The following PCDH15 variants were observed in gnomAD, a reference collection of about 807,000 sequenced individuals.
PCDH15 encodes the protein protocadherin-15.
A neutral mutation model predicts 178.5 loss-of-function variants in PCDH15; 129 were observed. The ratio of observed to expected loss-of-function variants is 0.72; its 90% CI spans 0.63 to 0.84. PCDH15 has a LOEUF of 0.84. PCDH15 is among the 40% of genes least tolerant of loss of function. The probability of loss-of-function intolerance (pLI) is 0.00; values close to 1 mark genes in which losing one functional copy is unlikely to be tolerated. For synonymous variants in PCDH15, 800 were observed against 732.0 expected (o/e 1.09, Z -1.50); for missense variants, 2,230 against 2,099.9 (o/e 1.06, Z -1.21).
chr10:55,306,640 G>A (rs1358982245), intron 1 of PCDH15, among the ~76,000 whole-genome samples: 1 of 152,104 alleles, frequency 6.6e-6, no homozygotes, highest in Admixed American at 6.6e-5. Context: ...TTTAATAGAG[G>A]CATAGTAGAT....
At chr10:55,454,594 A>C (rs1839508583) in intron 2 of PCDH15, among the ~76,000 whole-genome samples, 1 of 146,890 alleles carries the variant, frequency 6.8e-6, no homozygotes, top group African/African-American at 2.6e-5. Context: ...TGGCTAACAC[A>C]GTGAAACCCC....
intron 2 of PCDH15, among the ~76,000 whole-genome samples, chr10:54,604,607 C>A (rs761722414): frequency 6.7e-6 from 1 of 149,168 alleles, no homozygotes; most frequent in Admixed American, 6.7e-5. Context: ...TTTTCATTAC[C>A]ATTTGCATAA....
intron 14 of PCDH15, among the ~76,000 whole-genome samples, chr10:54,144,277 G>A (rs1292615492): frequency 6.6e-6 from 1 of 152,094 alleles, no homozygotes; most frequent in Non-Finnish European, 1.5e-5. Context: ...AGGGGGGACT[G>A]AAACCGACCA....
chr10:54,014,807 ACTGAATGGG>A (rs1305888192), intron 20 of PCDH15, among the ~76,000 whole-genome samples: 1 of 152,200 alleles, frequency 6.6e-6, no homozygotes, highest in Non-Finnish European at 1.5e-5. Context: ...CCAACGTCAC[ACTGAATGGG>A]CAAAAGCTGG....
chr10:54,487,781 A>G (rs16906197), intron 3 of PCDH15, among the ~76,000 whole-genome samples: 6,566 of 152,096 alleles, frequency 0.043, 200 homozygotes, highest in South Asian at 0.13. Context: ...AGTTGCTATA[A>G]ATATAAGTAA....
chr10:55,544,131 TATACATAC>T (rs201643134), intron 2 of PCDH15, among the ~76,000 whole-genome samples: 1 of 80,078 alleles, frequency 1.2e-5, no homozygotes, highest in African/African-American at 4.2e-5. Context: ...CCTCAAATCT[TATACATAC>T]ATATATATAT....
chr10:53,935,901 A>G (rs1201597901), intron 25 of PCDH15, among the ~76,000 whole-genome samples: 1 of 152,166 alleles, frequency 6.6e-6, no homozygotes, highest in Non-Finnish European at 1.5e-5. Context: ...GAAAATTACT[A>G]TTGGTGGTTG....
chr10:54,718,823 A>T (rs1336038464), intron 1 of PCDH15, among the ~76,000 whole-genome samples: 2 of 151,598 alleles, frequency 1.3e-5, no homozygotes, highest in African/African-American at 4.8e-5. Flanking sequence ...CAGCCTCCCA[A>T]GTAGCTGGCA....
At chr10:54,583,924 T>G (rs2133831503) in intron 2 of PCDH15, among the ~76,000 whole-genome samples, 1 of 152,172 alleles carries the variant, frequency 6.6e-6, no homozygotes, top group Admixed American at 6.6e-5. Flanking sequence ...AAAATTAAGA[T>G]TCGACTAAAA....
At chr10:54,182,495 G>GAT (rs1554828275) in intron 13 of PCDH15, among the ~76,000 whole-genome samples, 9 of 151,340 alleles carry the variant, frequency 5.9e-5, no homozygotes, top group African/African-American at 2.2e-4. Context: ...GAGAGGAAAA[G>GAT]AGAGAAAAAA....
chr10:54,855,482 G>A (rs571175293), intron 3 of PCDH15, among the ~76,000 whole-genome samples: 15 of 152,154 alleles, frequency 9.9e-5, no homozygotes, highest in Non-Finnish European at 2.2e-4. Context: ...GGACTTGTAT[G>A]ATTTCATAGC....
intron 1 of PCDH15, among the ~76,000 whole-genome samples, chr10:54,709,593 C>CAT (rs35055187): frequency 0.15 from 13,960 of 93,874 alleles, 1,143 homozygotes; most frequent in Middle Eastern, 0.21. Context: ...ACAAATAATT[C>CAT]ATATATATAT....
chr10:55,065,282 A>G (rs2132004313), intron 2 of PCDH15, among the ~76,000 whole-genome samples: 1 of 152,104 alleles, frequency 6.6e-6, no homozygotes, highest in Middle Eastern at 3.4e-3. Flanking sequence ...ACAATGTCCT[A>G]ATCTGTTCCT....
chr10:54,704,691 T>C (rs954218641), intron 1 of PCDH15, among the ~76,000 whole-genome samples: 1 of 152,068 alleles, frequency 6.6e-6, no homozygotes, highest in African/African-American at 2.4e-5. Context: ...GCCTGCATGG[T>C]TGCAAAGAAA....
chr10:55,196,999 T>A (rs1015675344), intron 1 of PCDH15, among the ~76,000 whole-genome samples: 3 of 152,030 alleles, frequency 2.0e-5, no homozygotes, highest in East Asian at 3.9e-4. Flanking sequence ...TATTTGAAAC[T>A]GTAATCCTTT....
intron 1 of PCDH15, among the ~76,000 whole-genome samples, chr10:54,717,907 T>C (rs2132453142): frequency 1.4e-5 from 2 of 144,788 alleles, no homozygotes; most frequent in Non-Finnish European, 3.0e-5. Flanking sequence ...GTGGCACATA[T>C]ACACCATGGA....
intron 1 of PCDH15, among the ~76,000 whole-genome samples, chr10:55,239,526 A>G (rs979549632): frequency 1.3e-5 from 2 of 152,202 alleles, no homozygotes; most frequent in Non-Finnish European, 2.9e-5. Flanking sequence ...CCCTCTTGCC[A>G]TATACAAAAA....
At position 54,519,922 on chromosome 10, in the gene PCDH15, A is replaced by G. The variant is rs1204308866; in HGVS notation, c.157+7890T>C. Among the ~76,000 whole-genome samples, 3 of 152,200 alleles carry G rather than the reference A, an allele frequency of 2.0e-5. No homozygotes were observed. The East Asian group carries it at 5.8e-4, about 29-fold the overall frequency. The stretch of plus-strand genomic sequence containing the variant: ...GAAATAAGGCCGCATATCTACAACT[A>G]TCTGATCTTTGACAAACCTGACAAA... On this transcript the variant is annotated intron_variant, in intron 3 of 37. Transcript: ENST00000644397.
rs192190826 is a variant in PCDH15 at position 54,478,740 on chromosome 10, C to T, written c.157+49072G>A. 2.6e-5 allele frequency among the ~76,000 whole-genome samples: 4 copies of T among 152,066 alleles called. No individual in the cohort carries two copies. The East Asian group carries it at 7.8e-4, about 30-fold the overall frequency. On this transcript the variant is annotated intron_variant, in intron 3 of 37. Coordinates refer to ENST00000644397, the MANE Select transcript of PCDH15 (RefSeq NM_001384140.1). ...TGGTGAATTAAATTGTCATTGGTGG[C>T]CTCATTTTCCTTTTTCGCGTATGTC...
Sources: gnomAD v4.1 joint callset for allele counts (sites outside exome capture counted in the v4.1 genomes callset) on GRCh38, gnomAD v4.1.1 for gene constraint, MANE v1.5 for transcripts, NCBI Gene and HGNC (gene_info 2026-07-23, HGNC 2026-07-21) for gene names.